The following PLIN3 variants were observed in gnomAD, a reference collection of about 807,000 sequenced individuals.
PLIN3 encodes perilipin-3.
PLIN3 carries 30 observed loss-of-function variants against 35.9 expected under a neutral mutation model. The observed-to-expected ratio is 0.84, with a 90% CI of 0.62 to 1.13. PLIN3 has a LOEUF of 1.13. PLIN3 is among the 50% of genes most tolerant of loss of function. PLIN3 has a pLI of 0.00. For synonymous variants in PLIN3, 261 were observed against 262.5 expected (o/e 0.99, Z 0.06); for missense variants, 603 against 596.9 (o/e 1.01, Z -0.11).
chr19:4,843,884 C>T (rs2029993586), intron 7 of PLIN3, among the ~76,000 whole-genome samples: 1 of 152,092 alleles, frequency 6.6e-6, no homozygotes, highest in African/African-American at 2.4e-5. Context: ...ATCCACACAC[C>T]CTAAAACTCG....
At chr19:4,863,226 G>A (rs1045586948) in intron 1 of PLIN3, among the ~76,000 whole-genome samples, 3 of 142,938 alleles carry the variant, frequency 2.1e-5, no homozygotes, top group Non-Finnish European at 4.6e-5. Flanking sequence ...GGCCGGGTGC[G>A]GTGGCTCACG....
intron 7 of PLIN3, among the ~76,000 whole-genome samples, chr19:4,839,935 G>T (rs2029872726): frequency 1.3e-5 from 2 of 150,188 alleles, no homozygotes; most frequent in Admixed American, 6.7e-5. Flanking sequence ...AAAATGCTGG[G>T]ATTACAAGCG....
intron 4 of PLIN3, among the ~76,000 whole-genome samples, chr19:4,856,914 C>T (rs1185729756): frequency 6.6e-6 from 1 of 151,922 alleles, no homozygotes; most frequent in Non-Finnish European, 1.5e-5. Flanking sequence ...CCATGTTGGC[C>T]AGGCTGGTCT....
At position 4,844,796 on chromosome 19, in the gene PLIN3, G is replaced by A; in HGVS notation, c.835-3C>T. ...ACGCCTTGCTTGACAGTTTCCATCT[G>A]GGGCAGGGGAGAGAGAAGTGAGGGA... is the stretch of plus-strand genomic sequence containing the variant. On this transcript the variant is annotated splice_region_variant and splice_polypyrimidine_tract_variant and intron_variant, in intron 6 of 7. Transcript: ENST00000221957. 1.3e-6 allele frequency: 2 copies of A among 1,592,820 alleles called. No individual in the cohort carries two copies. Among genetic ancestry groups the A allele is most frequent in the Non-Finnish European group, 1.7e-6 (2 of 1,170,114 alleles).
At chr19:4,857,272 G>A (rs1278030465) in intron 4 of PLIN3, among the ~76,000 whole-genome samples, 1 of 151,912 alleles carries the variant, frequency 6.6e-6, no homozygotes, top group African/African-American at 2.4e-5. Context: ...ACTCCGTCTT[G>A]ACAAAAAGTA....
At chr19:4,841,886 C>T (rs1360878570) in intron 7 of PLIN3, among the ~76,000 whole-genome samples, 8 of 116,704 alleles carry the variant, frequency 6.9e-5, no homozygotes, top group African/African-American at 2.4e-4. Context: ...GCCTGGGCGA[C>T]AGAGCGAGAC....
chr19:4,847,709 C>T lies in PLIN3; in HGVS notation c.816G>A (p.Leu272=), dbSNP rs1213340403. The T allele has an allele frequency of 2.5e-6, 4 of 1,605,580 alleles. No individual in the cohort carries two copies. The highest frequency in any genetic ancestry group is 3.4e-6 in the Non-Finnish European group (4 of 1,176,660). The change falls in exon 6 of 8, where the codon CTG becomes CTA. Residue 272 remains leucine (L), a synonymous_variant. Transcript: ENST00000221957. ...ACCTCACCAGGCTTAGGACCTGCGA[C>T]AGCTGCAGCAGAGCCTCCTGTGCCC... is the stretch of plus-strand genomic sequence containing the variant. ...KQRAQEALLQ[L]SQVLSLMETV...
chr19:4,858,046 G>A (rs776668349), intron 4 of PLIN3, among the ~76,000 whole-genome samples: 7 of 151,542 alleles, frequency 4.6e-5, no homozygotes, highest in East Asian at 2.0e-4. Context: ...AGGCCGAGGC[G>A]GGAGGATCAC....
intron 4 of PLIN3, among the ~76,000 whole-genome samples, chr19:4,855,638 G>T (rs1172556119): frequency 2.0e-5 from 3 of 152,092 alleles, no homozygotes; most frequent in African/African-American, 7.2e-5. Flanking sequence ...CTGTTGTTCT[G>T]ATCTCGTGAT....
At chr19:4,856,922 T>G (rs1462475691) in intron 4 of PLIN3, among the ~76,000 whole-genome samples, 1 of 151,914 alleles carries the variant, frequency 6.6e-6, no homozygotes, top group African/African-American at 2.4e-5. Flanking sequence ...GCCAGGCTGG[T>G]CTCGTACTCC....
intron 5 of PLIN3, among the ~76,000 whole-genome samples, chr19:4,851,421 G>A (rs866365326): frequency 7.2e-5 from 11 of 152,158 alleles, no homozygotes; most frequent in African/African-American, 1.7e-4. Context: ...CTGAGATCAC[G>A]CCATTGCACT....
At chr19:4,842,599 C>CAAAA (rs11383489) in intron 7 of PLIN3, among the ~76,000 whole-genome samples, 22 of 46,904 alleles carry the variant, frequency 4.7e-4, no homozygotes, top group Admixed American at 9.2e-4. Flanking sequence ...GACTCTATCT[C>CAAAA]AAAAAAAAAA....
At chr19:4,858,704 T>TG (rs1438533542) in intron 4 of PLIN3, among the ~76,000 whole-genome samples, 1 of 139,600 alleles carries the variant, frequency 7.2e-6, no homozygotes, top group Non-Finnish European at 1.6e-5. Context: ...TTTTTTGGTT[T>TG]TTTTTTTTTT....
chr19:4,846,690 C>T (rs1304021505), intron 6 of PLIN3, among the ~76,000 whole-genome samples: 1 of 151,902 alleles, frequency 6.6e-6, no homozygotes, highest in Non-Finnish European at 1.5e-5. Context: ...CAGAGCGAGA[C>T]TCCGTTCAAA....
intron 7 of PLIN3, 107 bp from the exon 8 acceptor site, chr19:4,839,643 G>T: frequency 2.4e-6 from 2 of 830,096 alleles, no homozygotes; most frequent in Non-Finnish European, 3.4e-6. Context: ...CTGACCTTGG[G>T]GCAAACGCTT....
chr19:4,862,705 T>C (rs560432215), intron 1 of PLIN3, among the ~76,000 whole-genome samples: 51 of 152,096 alleles, frequency 3.4e-4, no homozygotes, highest in Non-Finnish European at 6.2e-4. Flanking sequence ...AATTTGCCAA[T>C]AGCTGTCAAG....
At chr19:4,847,224 C>G (rs1184585457) in intron 6 of PLIN3, among the ~76,000 whole-genome samples, 1 of 148,202 alleles carries the variant, frequency 6.7e-6, no homozygotes, top group Non-Finnish European at 1.5e-5. Context: ...GGGTCTTGCT[C>G]TGTTGACTAG....
chr19:4,855,249 G>GAAAAAAAA (rs377681525), intron 4 of PLIN3, among the ~76,000 whole-genome samples: 2 of 36,410 alleles, frequency 5.5e-5, no homozygotes, highest in African/African-American at 1.9e-4. Context: ...GACTCCATCT[G>GAAAAAAAA]AAAAAAAAAA....
At chr19:4,865,237 C>T (rs112562380) in intron 1 of PLIN3, among the ~76,000 whole-genome samples, 60 of 151,680 alleles carry the variant, frequency 4.0e-4, no homozygotes, top group African/African-American at 1.4e-3. Flanking sequence ...GCCTGTAATC[C>T]CAGCACTTTG....
Sources: gnomAD v4.1 joint callset for allele counts (sites outside exome capture counted in the v4.1 genomes callset) on GRCh38, gnomAD v4.1.1 for gene constraint, MANE v1.5 for transcripts, NCBI Gene and HGNC (gene_info 2026-07-23, HGNC 2026-07-21) for gene names.